Variants in CUL1 observed in about 807,000 individuals in gnomAD.
CUL1 encodes cullin 1.
CUL1 carries 24 observed loss-of-function variants against 118.0 expected under a neutral mutation model. That is an observed-to-expected ratio of 0.20 (90% CI 0.15 to 0.29). CUL1 has a LOEUF of 0.29. CUL1 is among the 10% of genes least tolerant of loss of function. CUL1 has a pLI of 1.00. For synonymous variants in CUL1, 332 were observed against 340.4 expected, an observed-to-expected ratio of 0.98 and a Z score of 0.27; for missense variants, 361 against 933.8, an observed-to-expected ratio of 0.39 and a Z score of 7.99.
intron 2 of CUL1, among the ~76,000 whole-genome samples, chr7:148,731,840 T>G (rs932714897): frequency 6.6e-6 from 1 of 152,216 alleles, no homozygotes; most frequent in East Asian, 1.9e-4. Context: ...TTCATCCTTG[T>G]AGCGCGTATC....
chr7:148,795,552 G>A (rs966787148), intron 17 of CUL1, among the ~76,000 whole-genome samples: 2 of 152,034 alleles, frequency 1.3e-5, no homozygotes, highest in African/African-American at 4.8e-5. Context: ...GGATCACGAG[G>A]TCAGGAGATC....
intron 1 of CUL1, among the ~76,000 whole-genome samples, chr7:148,725,219 G>GCGCACGCGCACACACACA: frequency 8.6e-5 from 12 of 140,148 alleles, no homozygotes; most frequent in African/African-American, 3.4e-4. Flanking sequence ...ACACGCGCGC[G>GCGCACGCGCACACACACA]CTCACACACA....
chr7:148,799,224 A>G (rs1801309683), intron 20 of CUL1, 51 bp from the exon 21 acceptor site: 1 of 1,405,932 alleles, frequency 7.1e-7, no homozygotes, highest in Non-Finnish European at 1.0e-6. Context: ...CTATCAATAC[A>G]ACGTTGTTAC....
chr7:148,722,004 G>T (rs548796947), intron 1 of CUL1, among the ~76,000 whole-genome samples: 1 of 152,208 alleles, frequency 6.6e-6, no homozygotes, highest in Non-Finnish European at 1.5e-5. Flanking sequence ...CACACTGCAA[G>T]TAAAAGCTTA....
At chr7:148,710,367 C>T (rs867769898) in intron 1 of CUL1, among the ~76,000 whole-genome samples, 8 of 152,056 alleles carry the variant, frequency 5.3e-5, no homozygotes, top group Non-Finnish European at 1.0e-4. Context: ...GTCAGGAGTT[C>T]GAGACCAGCC....
chr7:148,736,797 G>A (rs1447150860), intron 2 of CUL1, among the ~76,000 whole-genome samples: 1 of 152,204 alleles, frequency 6.6e-6, no homozygotes, highest in Non-Finnish European at 1.5e-5. Flanking sequence ...AATGAAGACT[G>A]TTGACATGGA....
intron 1 of CUL1, among the ~76,000 whole-genome samples, chr7:148,727,520 T>G (rs1798626965): frequency 6.6e-6 from 1 of 152,234 alleles, no homozygotes; most frequent in African/African-American, 2.4e-5. Flanking sequence ...CTGTGGGGCT[T>G]GCACCCCGGT....
At chr7:148,713,088 A>C (rs1798102084) in intron 1 of CUL1, among the ~76,000 whole-genome samples, 1 of 152,244 alleles carries the variant, frequency 6.6e-6, no homozygotes, top group African/African-American at 2.4e-5. Context: ...AATGAATTGC[A>C]GCCCTCAGTT....
intron 1 of CUL1, among the ~76,000 whole-genome samples, chr7:148,706,558 A>G (rs1797891292): frequency 6.6e-6 from 1 of 151,910 alleles, no homozygotes; most frequent in Non-Finnish European, 1.5e-5. Context: ...AAAACACACA[A>G]AGGGAAGAAG....
At chr7:148,750,668 T>C (rs143111761) in intron 2 of CUL1, among the ~76,000 whole-genome samples, 1 of 152,306 alleles carries the variant, frequency 6.6e-6, no homozygotes, top group East Asian at 1.9e-4. Context: ...CCATGCCACC[T>C]AGGATTTTCA....
intron 7 of CUL1, among the ~76,000 whole-genome samples, chr7:148,760,723 A>G (rs772319901): frequency 2.6e-5 from 4 of 152,230 alleles, no homozygotes; most frequent in South Asian, 2.1e-4. Flanking sequence ...GGATATAACC[A>G]CAATAGCTAC....
At position 148,750,652 on chromosome 7, in the gene CUL1, A is replaced by G. The variant is rs532821480; in HGVS notation, c.141-3324A>G. On this transcript the variant is annotated intron_variant, in intron 2 of 21. Transcript: ENST00000325222. ...AACTCATCCTTTTTTATGGCTGCATAGTATTCCATGCCACCTAGGATTTTC... is the reference window on the plus strand; with the variant it reads ...AACTCATCCTTTTTTATGGCTGCATGGTATTCCATGCCACCTAGGATTTTC... Among the ~76,000 whole-genome samples, 6 of 152,262 alleles carry G rather than the reference A, an allele frequency of 3.9e-5. No homozygotes were observed. The South Asian group carries it at 1.2e-3, about 32-fold the overall frequency.
intron 18 of CUL1, 37 bp downstream of exon 18, chr7:148,797,896 C>T (rs376907340): frequency 6.2e-6 from 10 of 1,608,518 alleles, no homozygotes; most frequent in South Asian, 1.1e-5. Flanking sequence ...CTAGAAGAAG[C>T]CTTTTCCTGA....
intron 1 of CUL1, among the ~76,000 whole-genome samples, chr7:148,728,107 T>C (rs1456284937): frequency 6.6e-6 from 1 of 152,124 alleles, no homozygotes; most frequent in African/African-American, 2.4e-5. Flanking sequence ...GATGAGCTAA[T>C]GCATTTGAAA....
At chr7:148,773,227 C>T (rs2373414) in intron 9 of CUL1, among the ~76,000 whole-genome samples, 70,252 of 151,758 alleles carry the variant, frequency 0.46, 16,677 homozygotes, top group Non-Finnish European at 0.52. Context: ...TCAAAATCCT[C>T]TAATTAGCCC....
intron 9 of CUL1, among the ~76,000 whole-genome samples, chr7:148,772,715 C>T (rs147461803): frequency 3.3e-5 from 5 of 152,332 alleles, no homozygotes; most frequent in Non-Finnish European, 5.9e-5. Flanking sequence ...TCATTTGAAA[C>T]TCACCTCTTC....
intron 1 of CUL1, among the ~76,000 whole-genome samples, chr7:148,714,599 G>A (rs114731904): frequency 1.1e-3 from 175 of 152,330 alleles, no homozygotes; most frequent in African/African-American, 3.9e-3. Context: ...CTGAATAGCA[G>A]TGCTGGCTGG....
At chr7:148,699,062 G>C (rs1023565725) in intron 1 of CUL1, 33 bp downstream of exon 1, 1 of 155,828 alleles carries the variant, frequency 6.4e-6, no homozygotes, top group Non-Finnish European at 1.4e-5. Flanking sequence ...GCCGAGAGGA[G>C]GTGGCGGCGG....
At chr7:148,764,139 C>G (rs1799929349) in intron 7 of CUL1, among the ~76,000 whole-genome samples, 1 of 152,086 alleles carries the variant, frequency 6.6e-6, no homozygotes, top group Admixed American at 6.5e-5. Flanking sequence ...CATTAATTTG[C>G]TTGTCTTTTT....
Sources: allele counts gnomAD v4.1 joint callset (sites outside exome capture counted in the v4.1 genomes callset), GRCh38; gene constraint gnomAD v4.1.1; transcripts MANE v1.5; gene names NCBI Gene and HGNC (gene_info 2026-07-23, HGNC 2026-07-21).